Variants in KIRREL3 observed in about 807,000 individuals in gnomAD.
The protein encoded by KIRREL3 is kirre like nephrin family adhesion molecule 3.
A neutral mutation model predicts 89.7 loss-of-function variants in KIRREL3; 36 were observed. That is an observed-to-expected ratio of 0.40 (90% confidence interval 0.31 to 0.53). The LOEUF (loss-of-function observed/expected upper bound fraction) is 0.53, where lower values mean the gene tolerates loss of function less well. KIRREL3 is among the 20% of genes least tolerant of loss of function. The pLI, the probability that KIRREL3 is intolerant of heterozygous loss-of-function variation, is 0.49. For missense variants in KIRREL3, 864 were observed against 1,056.6 expected (o/e 0.82, Z 2.53); for synonymous variants, 445 against 441.4 (o/e 1.01, Z -0.10).
Position 126,476,129 on chromosome 11 carries a change from C to G in KIRREL3, c.434-2663G>C, listed in dbSNP as rs992412363. ...GGAGGATCTGGGAACTGACCGCTCT[C>G]CAGCACGGACATTTACTGGGCCTTG... On this transcript the variant is annotated intron_variant, in intron 4 of 16. Transcript: ENST00000525144. This position sits in a 1 kb window ranked among gnomAD's most constrained non-coding sequence, Gnocchi z 6.4. Among the ~76,000 whole-genome samples, 1 of 152,208 alleles carries G rather than the reference C, an allele frequency of 6.6e-6. No individual in the cohort carries two copies. Among genetic ancestry groups the G allele is most frequent in the African/African-American group, 2.4e-5 (1 of 41,462 alleles).
rs1946562662 is a variant in KIRREL3 at position 126,905,863 on chromosome 11, C to T, written c.55+94592G>A. On this transcript the variant is annotated intron_variant, in intron 1 of 16. Coordinates refer to ENST00000525144, the MANE Select transcript of KIRREL3 (RefSeq NM_032531.4). The surrounding 1 kb of genome is among the most constrained non-coding windows in gnomAD (Gnocchi z 5.0). ...CAAAGCACTTCAGGGGTTCCTTTGT[C>T]CGCACCCAGCCATGCAAAATTCCTG... Among the ~76,000 whole-genome samples the T allele has an allele frequency of 6.6e-6, 1 of 152,194 alleles. No homozygotes were observed. The highest frequency in any genetic ancestry group is 6.5e-5 in the Admixed American group (1 of 15,274).
rs916858995 is a variant in KIRREL3, at chr11:126,995,038, C to T, written c.55+5417G>A. ...CGGTGCAGTCGATTCTCACATCATT[C>T]CTCTAACTGGAAATAAAAATCCCAC... On this transcript the variant is annotated intron_variant, in intron 1 of 16. Coordinates refer to ENST00000525144, the MANE Select transcript of KIRREL3 (RefSeq NM_032531.4). This position sits in a 1 kb window ranked among gnomAD's most constrained non-coding sequence, Gnocchi z 6.5. 8.1e-6 allele frequency: 3 copies of T among 372,176 alleles called. No homozygotes were observed. The highest frequency in any genetic ancestry group is 4.2e-5 in the African/African-American group (2 of 47,090). The allele number at this position is 372,176 out of a possible 1,614,324, so 23.1% of individuals were successfully genotyped here.
intron 1 of KIRREL3, among the ~76,000 whole-genome samples, chr11:126,951,372 G>T (rs1479221214): frequency 6.6e-6 from 1 of 152,146 alleles, no homozygotes; most frequent in Non-Finnish European, 1.5e-5. Context: ...TGCTTTAGAG[G>T]GGTAGAAACC....
Position 126,424,447 on chromosome 11 carries a change from T to C in KIRREL3, c.*133A>G. The C allele has an allele frequency of 1.3e-6, 1 of 784,852 alleles. No homozygotes were observed. Among genetic ancestry groups the C allele is most frequent in the East Asian group, 2.9e-5 (1 of 35,016 alleles). 48.6% of individuals were successfully genotyped at this position (784,852 alleles called of 1,614,324 possible). ...TGATCAGAGCTTCGAAGGAAGGCAG[T>C]GGCAGAGGCGCTGGGAGGCTGTCCT... On this transcript the variant is annotated 3_prime_UTR_variant, in exon 17 of 17. Transcript: ENST00000525144.
rs80140109 is a variant in KIRREL3 at position 126,924,116 on chromosome 11, C to T, written c.55+76339G>A. ...AGTACTCGTCATAGCGCCTTGTAGACACTTGATAAGCAGTGGTCTTATGGC... is the reference window on the plus strand; with the variant it reads ...AGTACTCGTCATAGCGCCTTGTAGATACTTGATAAGCAGTGGTCTTATGGC... On this transcript the variant is annotated intron_variant, in intron 1 of 16. Coordinates refer to ENST00000525144, the MANE Select transcript of KIRREL3 (RefSeq NM_032531.4). The surrounding 1 kb of genome is among the most constrained non-coding windows in gnomAD (Gnocchi z 4.7). Among the ~76,000 whole-genome samples, 1,993 of 152,300 alleles carry T rather than the reference C, an allele frequency of 0.013. 43 individuals are homozygous for T. The highest frequency in any genetic ancestry group is 0.045 in the African/African-American group (1,870 of 41,558).
chr11:126,667,068 C>G (rs1327482057), intron 1 of KIRREL3, among the ~76,000 whole-genome samples: 1 of 152,160 alleles, frequency 6.6e-6, no homozygotes. Context: ...GGAGAGATAT[C>G]ACTTTAAGCT....
At chr11:126,822,848 T>G (rs1264419380) in intron 1 of KIRREL3, among the ~76,000 whole-genome samples, 2 of 152,112 alleles carry the variant, frequency 1.3e-5, no homozygotes, top group African/African-American at 4.8e-5. Context: ...AGAACGGGGC[T>G]TCTAGTAAGT....
intron 1 of KIRREL3, among the ~76,000 whole-genome samples, chr11:126,868,681 A>T (rs1945004838): frequency 6.6e-6 from 1 of 152,086 alleles, no homozygotes; most frequent in Non-Finnish European, 1.5e-5. Flanking sequence ...ATTGTCTCTG[A>T]TGCTGTTAGT....
Position 126,764,600 on chromosome 11 carries a change from A to G in KIRREL3, c.56-201688T>C, listed in dbSNP as rs1949761955. 6.6e-6 allele frequency among the ~76,000 whole-genome samples: 1 copy of G among 152,200 alleles called. No homozygotes were observed. The highest frequency in any genetic ancestry group is 6.5e-5 in the Admixed American group (1 of 15,288). On this transcript the variant is annotated intron_variant, in intron 1 of 16. Transcript: ENST00000525144. This position sits in a 1 kb window ranked among gnomAD's most constrained non-coding sequence, Gnocchi z 4.2. ...AGTAACAACTGGATCTCAATCCCCA[A>G]AACAATTCCCTGCTCATTCTATGAG...
intron 1 of KIRREL3, among the ~76,000 whole-genome samples, chr11:126,662,774 T>C (rs1392651582): frequency 6.6e-6 from 1 of 152,010 alleles, no homozygotes; most frequent in Non-Finnish European, 1.5e-5. Context: ...GCAAAGCACA[T>C]TGTATGATGT....
rs79119553 is a variant in KIRREL3, at chr11:126,701,555, G to T, written c.56-138643C>A. Among the ~76,000 whole-genome samples, 37 of 152,220 alleles carry T rather than the reference G, an allele frequency of 2.4e-4. No homozygotes were observed. In the East Asian group the frequency reaches 5.6e-3, roughly 23 times the overall value. On this transcript the variant is annotated intron_variant, in intron 1 of 16. Transcript: ENST00000525144. ...TGAAGAATCCTTGGAAAGTCACTGGGTTGGGCACTTTTAAAAGTAGAGTCT... is the reference window on the plus strand; with the variant it reads ...TGAAGAATCCTTGGAAAGTCACTGGTTTGGGCACTTTTAAAAGTAGAGTCT...
intron 1 of KIRREL3, among the ~76,000 whole-genome samples, chr11:126,925,950 G>A (rs1222608280): frequency 6.6e-6 from 1 of 152,204 alleles, no homozygotes; most frequent in Non-Finnish European, 1.5e-5. Context: ...AGACATCTGT[G>A]TCCTATCCAG....
intron 4 of KIRREL3, among the ~76,000 whole-genome samples, chr11:126,509,812 A>G (rs1469321834): frequency 1.3e-5 from 2 of 152,090 alleles, no homozygotes; most frequent in East Asian, 3.9e-4. Context: ...CCTGGCCAGC[A>G]TGGTGAAACC....
chr11:126,956,467 C>G (rs774946018), intron 1 of KIRREL3, among the ~76,000 whole-genome samples: 7 of 152,136 alleles, frequency 4.6e-5, no homozygotes, highest in Admixed American at 2.0e-4. Context: ...CAGGGGGAAA[C>G]TCCAAATGAG....
intron 7 of KIRREL3, among the ~76,000 whole-genome samples, chr11:126,453,112 G>A (rs1204314780): frequency 1.5e-5 from 2 of 130,244 alleles, no homozygotes; most frequent in African/African-American, 5.8e-5. Context: ...CTCTGAAAGT[G>A]GAGTCAGCTT....
chr11:126,627,169 A>G lies in KIRREL3; in HGVS notation c.56-64257T>C, dbSNP rs1943826927. ...TTTTTAGTTGTATTTCAATATAAGC[A>G]TAAGGAGGTGGAGGTGAGAGAATTT... On this transcript the variant is annotated intron_variant, in intron 1 of 16. Coordinates refer to ENST00000525144, the MANE Select transcript of KIRREL3 (RefSeq NM_032531.4). The surrounding 1 kb of genome is among the most constrained non-coding windows in gnomAD (Gnocchi z 5.0). 6.6e-6 allele frequency among the ~76,000 whole-genome samples: 1 copy of G among 152,154 alleles called. No homozygotes were observed. Among genetic ancestry groups the G allele is most frequent in the Non-Finnish European group, 1.5e-5 (1 of 68,022 alleles).
At position 126,708,759 on chromosome 11, in the gene KIRREL3, A is replaced by G. The variant is rs1591996753; in HGVS notation, c.56-145847T>C. The stretch of plus-strand genomic sequence containing the variant: ...ATTCAGCATGATCTCTGAGGAGTTC[A>G]CTAGCTTTCCTCCCTCCGCTCTCCA... On this transcript the variant is annotated intron_variant, in intron 1 of 16. Coordinates refer to ENST00000525144, the MANE Select transcript of KIRREL3 (RefSeq NM_032531.4). This position sits in a 1 kb window ranked among gnomAD's most constrained non-coding sequence, Gnocchi z 5.7. 2.0e-5 allele frequency among the ~76,000 whole-genome samples: 3 copies of G among 152,150 alleles called. No homozygotes were observed. Among genetic ancestry groups the G allele is most frequent in the East Asian group, 3.9e-4 (2 of 5,186 alleles).
chr11:126,714,999 G>C (rs759600766), intron 1 of KIRREL3, among the ~76,000 whole-genome samples: 1 of 152,148 alleles, frequency 6.6e-6, no homozygotes, highest in South Asian at 2.1e-4. Context: ...GAAGACTCAG[G>C]CTTCATCTTT....
intron 2 of KIRREL3, among the ~76,000 whole-genome samples, chr11:126,548,054 G>A (rs574100976): frequency 6.6e-5 from 10 of 152,202 alleles, no homozygotes; most frequent in Admixed American, 3.3e-4. Flanking sequence ...CTTGGCCCTC[G>A]TCTTTGTGTG....
Sources: gnomAD v4.1 joint callset for allele counts (sites outside exome capture counted in the v4.1 genomes callset) on GRCh38, gnomAD v4.1.1 for gene constraint, Gnocchi (gnomAD v3.1) non-coding constraint, MANE v1.5 for transcripts, NCBI Gene and HGNC (gene_info 2026-07-23, HGNC 2026-07-21) for gene names.